Variants in TENM4 observed in about 807,000 individuals in gnomAD.
TENM4 encodes teneurin-4.
Under a neutral mutation model 243.3 loss-of-function variants are expected in TENM4, and 82 were observed. That is an observed-to-expected ratio of 0.34 (90% CI 0.28 to 0.40). TENM4 has a LOEUF of 0.40. Among genes scored for constraint, TENM4 ranks in the 10% least tolerant of loss-of-function variants. The pLI, the probability that TENM4 is intolerant of heterozygous loss-of-function variation, is 1.00. For synonymous variants in TENM4, 1,412 were observed against 1,456.3 expected, an observed-to-expected ratio of 0.97 and a Z score of 0.69; for missense variants, 3,138 against 3,673.3, an observed-to-expected ratio of 0.85 and a Z score of 3.77.
At chr11:78,901,009 C>T (rs193127435) in intron 7 of TENM4, among the ~76,000 whole-genome samples, 6 of 151,670 alleles carry the variant, frequency 4.0e-5, no homozygotes, top group Admixed American at 6.6e-5. Context: ...ACATTTCAAC[C>T]GGGGCTTCAA....
At chr11:78,991,464 A>G (rs532942722) in intron 6 of TENM4, among the ~76,000 whole-genome samples, 4 of 152,330 alleles carry the variant, frequency 2.6e-5, no homozygotes, top group Admixed American at 2.0e-4. Flanking sequence ...CACTTGTTGA[A>G]TGCTTGTGCA....
At chr11:78,847,660 A>G (rs1425631386) in intron 12 of TENM4, among the ~76,000 whole-genome samples, 1 of 152,218 alleles carries the variant, frequency 6.6e-6, no homozygotes, top group Non-Finnish European at 1.5e-5. Context: ...GAAATTTCAC[A>G]AAGTGCTGCC....
At chr11:79,234,817 G>C (rs1415984870) in intron 2 of TENM4, among the ~76,000 whole-genome samples, 1 of 152,168 alleles carries the variant, frequency 6.6e-6, no homozygotes, top group East Asian at 1.9e-4. Flanking sequence ...CCATGAATAC[G>C]TTGCCTGTGT....
rs562061577 is a variant in TENM4, at chr11:78,884,285, C to A, written c.1084+5500G>T. Among the ~76,000 whole-genome samples, 25 of 152,308 alleles carry A rather than the reference C, an allele frequency of 1.6e-4. No individual in the cohort carries two copies. The East Asian group carries it at 3.9e-3, about 24-fold the overall frequency. Reference sequence around the variant, plus strand: ...AGAACCTATGCTCTCAACCATCATGCGGCTCCTGGTTCCCTCTCCTATAAA... The same window carrying A: ...AGAACCTATGCTCTCAACCATCATGAGGCTCCTGGTTCCCTCTCCTATAAA... On this transcript the variant is annotated intron_variant, in intron 9 of 33. Coordinates refer to ENST00000278550, the MANE Select transcript of TENM4 (RefSeq NM_001098816.3).
chr11:78,787,844 T>C (rs2136040933), intron 15 of TENM4, among the ~76,000 whole-genome samples: 1 of 152,316 alleles, frequency 6.6e-6, no homozygotes, highest in East Asian at 1.9e-4. Context: ...ATCTGTGAGA[T>C]GGTGCAAAAC....
chr11:79,158,394 G>C (rs187353825), intron 3 of TENM4, among the ~76,000 whole-genome samples: 1 of 152,290 alleles, frequency 6.6e-6, no homozygotes, highest in East Asian at 1.9e-4. Flanking sequence ...CTGGGGTTGA[G>C]CCTGGCTCTG....
intron 5 of TENM4, among the ~76,000 whole-genome samples, chr11:79,067,379 C>T (rs2136996034): frequency 6.6e-6 from 1 of 152,344 alleles, no homozygotes. Flanking sequence ...CTCCTCTCTC[C>T]TGTCCTGCTC....
intron 2 of TENM4, among the ~76,000 whole-genome samples, chr11:79,224,026 T>C (rs1289618783): frequency 1.3e-5 from 2 of 152,172 alleles, no homozygotes; most frequent in East Asian, 3.9e-4. Flanking sequence ...CAGAGCTCTC[T>C]TTCAGCACAG....
chr11:79,170,436 T>TA (rs747088806), intron 3 of TENM4, among the ~76,000 whole-genome samples: 68 of 152,192 alleles, frequency 4.5e-4, no homozygotes, highest in Non-Finnish European at 1.9e-4. Context: ...CCTAGTACCT[T>TA]AGAATGTGAC....
At chr11:79,337,201 A>C (rs886168519) in intron 1 of TENM4, among the ~76,000 whole-genome samples, 3 of 152,224 alleles carry the variant, frequency 2.0e-5, no homozygotes, top group Non-Finnish European at 4.4e-5. Context: ...AATCCTTTCA[A>C]TATACAAGGA....
rs561812771 is a variant in TENM4 at position 79,164,734 on chromosome 11, T to G, written c.-162-15928A>C. Among the ~76,000 whole-genome samples, 6 of 151,718 alleles carry G rather than the reference T, an allele frequency of 4.0e-5. No individual in the cohort carries two copies. In the South Asian group the frequency reaches 1.2e-3, roughly 32 times the overall value. ...GATCTTTCCCATGCTATTCTCATGA[T>G]AGTCAAAAAGTCTCACAAGATCTGA... On this transcript the variant is annotated intron_variant, in intron 3 of 33. Transcript: ENST00000278550.
intron 6 of TENM4, among the ~76,000 whole-genome samples, chr11:78,938,380 T>C (rs1434115462): frequency 6.6e-6 from 1 of 152,206 alleles, no homozygotes; most frequent in Non-Finnish European, 1.5e-5. Context: ...CTTTTCCAAA[T>C]GATAATCATC....
At chr11:78,993,356 T>C (rs142649321) in intron 6 of TENM4, among the ~76,000 whole-genome samples, 46 of 152,346 alleles carry the variant, frequency 3.0e-4, no homozygotes, top group African/African-American at 1.1e-3. Flanking sequence ...TCAGCAATTT[T>C]ATTACGGTTT....
chr11:79,173,813 C>T (rs1373744158), intron 3 of TENM4, among the ~76,000 whole-genome samples: 1 of 152,136 alleles, frequency 6.6e-6, no homozygotes, highest in Non-Finnish European at 1.5e-5. Context: ...TCATGTGGGA[C>T]TCACAGTGAA....
chr11:79,223,544 T>C (rs1431847496), intron 2 of TENM4, among the ~76,000 whole-genome samples: 1 of 152,112 alleles, frequency 6.6e-6, no homozygotes, highest in Non-Finnish European at 1.5e-5. Context: ...AAGCCCTTAT[T>C]GCTCCCCTAT....
At chr11:78,767,440 A>G (rs1458947535) in intron 18 of TENM4, among the ~76,000 whole-genome samples, 3 of 152,208 alleles carry the variant, frequency 2.0e-5, no homozygotes, top group Non-Finnish European at 4.4e-5. Context: ...CTACACTTCT[A>G]GGTGGAGGAT....
intron 6 of TENM4, among the ~76,000 whole-genome samples, chr11:79,035,419 T>A (rs1357914159): frequency 6.6e-6 from 1 of 152,216 alleles, no homozygotes; most frequent in South Asian, 2.1e-4. Flanking sequence ...CTGCTGTGCC[T>A]GTGGTAACTT....
chr11:78,855,889 G>A, intron 11 of TENM4, 75 bp downstream of exon 11: 3 of 1,389,716 alleles, frequency 2.2e-6, no homozygotes, highest in Non-Finnish European at 3.0e-6. Flanking sequence ...GCTCTGGATT[G>A]GGCTTCTTAA....
intron 4 of TENM4, among the ~76,000 whole-genome samples, chr11:79,081,595 GC>G (rs1860676940): frequency 6.6e-6 from 1 of 151,162 alleles, no homozygotes; most frequent in Non-Finnish European, 1.5e-5. Flanking sequence ...CTGGCCCACT[GC>G]TGTGATTGTT....
Sources: allele counts gnomAD v4.1 joint callset (sites outside exome capture counted in the v4.1 genomes callset), GRCh38; gene constraint gnomAD v4.1.1; transcripts MANE v1.5; gene names NCBI Gene and HGNC (gene_info 2026-07-23, HGNC 2026-07-21).